IL1RL1: variants seen among roughly 807,000 people sequenced by gnomAD.
The protein encoded by IL1RL1 is interleukin-1 receptor-like 1.
A neutral mutation model predicts 50.9 loss-of-function variants in IL1RL1; 32 were observed. That is an observed-to-expected ratio of 0.63 (90% CI 0.47 to 0.84). The LOEUF (loss-of-function observed/expected upper bound fraction) is 0.84, where lower values mean the gene tolerates loss of function less well. Ranked by LOEUF, IL1RL1 falls within the 40% of genes least tolerant of loss-of-function variation. The probability of loss-of-function intolerance (pLI) is 0.00; values close to 1 mark genes in which losing one functional copy is unlikely to be tolerated. For missense variants in IL1RL1, 773 were observed against 662.9 expected, an observed-to-expected ratio of 1.17 and a Z score of -1.82; for synonymous variants, 275 against 236.0, an observed-to-expected ratio of 1.17 and a Z score of -1.51.
At chr2:102,316,280 T>C (rs1559593861) in intron 1 of IL1RL1, among the ~76,000 whole-genome samples, 1 of 152,226 alleles carries the variant, frequency 6.6e-6, no homozygotes, top group African/African-American at 2.4e-5. Flanking sequence ...TGAGCTGAGA[T>C]ATGCTAATTT....
At chr2:102,346,833 T>C (rs1412705014) in intron 8 of IL1RL1, among the ~76,000 whole-genome samples, 1 of 152,214 alleles carries the variant, frequency 6.6e-6, no homozygotes, top group East Asian at 1.9e-4. Flanking sequence ...TATGGGCCAG[T>C]GATTTTTCTA....
At chr2:102,344,672 G>A in intron 8 of IL1RL1, 2 of 693,190 alleles carry the variant, frequency 2.9e-6, no homozygotes, top group Non-Finnish European at 3.5e-6. Context: ...CTGGCAGCTA[G>A]CCAGTGCTCA....
chr2:102,349,286 T>C, intron 10 of IL1RL1, 40 bp downstream of exon 10: 2 of 1,569,498 alleles, frequency 1.3e-6, no homozygotes, highest in South Asian at 1.1e-5. Context: ...AAATTCATGC[T>C]TATTAAAGGC....
intron 10 of IL1RL1, among the ~76,000 whole-genome samples, chr2:102,349,792 C>T (rs1046685973): frequency 4.6e-5 from 7 of 152,184 alleles, no homozygotes; most frequent in South Asian, 2.1e-4. Context: ...TTTATCACAA[C>T]TCCTGTGTTT....
intron 1 of IL1RL1, among the ~76,000 whole-genome samples, chr2:102,329,429 G>A (rs1677110814): frequency 1.3e-5 from 2 of 152,152 alleles, no homozygotes; most frequent in South Asian, 2.1e-4. Flanking sequence ...ATAGGCATGG[G>A]CAAGGACTTC....
At chr2:102,317,671 G>C (rs1470019990) in intron 1 of IL1RL1, among the ~76,000 whole-genome samples, 1 of 152,004 alleles carries the variant, frequency 6.6e-6, no homozygotes, top group African/African-American at 2.4e-5. Flanking sequence ...AAAAAGATTT[G>C]ATTTCAGTAA....
chr2:102,347,874 C>A, intron 8 of IL1RL1, 71 bp from the exon 9 acceptor site: 1 of 893,294 alleles, frequency 1.1e-6, no homozygotes, highest in South Asian at 1.6e-5. Context: ...CAAGGGAAGC[C>A]AACATCCATG....
At chr2:102,315,709 C>T (rs930458239) in intron 1 of IL1RL1, among the ~76,000 whole-genome samples, 1 of 152,146 alleles carries the variant, frequency 6.6e-6, no homozygotes, top group African/African-American at 2.4e-5. Context: ...CTAGTCTGTG[C>T]CAGATCACGA....
At chr2:102,348,189 C>A in intron 9 of IL1RL1, 98 bp downstream of exon 9, 1 of 958,406 alleles carries the variant, frequency 1.0e-6, no homozygotes, top group Non-Finnish European at 1.6e-6. Context: ...GCTGCTAAGC[C>A]CAGATTCCAT....
intron 1 of IL1RL1, among the ~76,000 whole-genome samples, chr2:102,332,176 C>G (rs1284826849): frequency 6.6e-6 from 1 of 152,096 alleles, no homozygotes; most frequent in Non-Finnish European, 1.5e-5. Context: ...AATAATATTG[C>G]CTTCTGGAGG....
chr2:102,314,635 G>T (rs1286274467), intron 1 of IL1RL1, among the ~76,000 whole-genome samples: 1 of 152,182 alleles, frequency 6.6e-6, no homozygotes, highest in Non-Finnish European at 1.5e-5. Context: ...CCCATTCTAT[G>T]ATTGGAACAA....
At chr2:102,327,870 A>C (rs1573138554) in intron 1 of IL1RL1, among the ~76,000 whole-genome samples, 1 of 152,324 alleles carries the variant, frequency 6.6e-6, no homozygotes, top group East Asian at 1.9e-4. Flanking sequence ...TTAATAGCTT[A>C]CCAACCAAAA....
intron 1 of IL1RL1, among the ~76,000 whole-genome samples, chr2:102,327,649 G>A (rs144672241): frequency 0.019 from 2,873 of 152,078 alleles, 103 homozygotes; most frequent in African/African-American, 0.064. Flanking sequence ...TCAAATAGAC[G>A]CAATAAAAAA....
intron 1 of IL1RL1, among the ~76,000 whole-genome samples, chr2:102,322,260 C>T (rs940689261): frequency 3.9e-5 from 6 of 152,212 alleles, no homozygotes; most frequent in African/African-American, 1.4e-4. Context: ...CTCTTCAGGC[C>T]TTCTGCTGCT....
chr2:102,318,518 T>A (rs930574100), intron 1 of IL1RL1, among the ~76,000 whole-genome samples: 1 of 152,182 alleles, frequency 6.6e-6, no homozygotes, highest in African/African-American at 2.4e-5. Context: ...TATAGACAAG[T>A]GAAGGCATTG....
intron 1 of IL1RL1, among the ~76,000 whole-genome samples, chr2:102,326,604 A>G (rs1677006988): frequency 6.6e-6 from 1 of 152,140 alleles, no homozygotes; most frequent in Non-Finnish European, 1.5e-5. Flanking sequence ...TATTCAGGAA[A>G]CCCATCTCAC....
intron 1 of IL1RL1, among the ~76,000 whole-genome samples, chr2:102,334,766 A>G (rs1228630134): frequency 6.6e-6 from 1 of 152,198 alleles, no homozygotes; most frequent in Admixed American, 6.5e-5. Context: ...TACATTTTAC[A>G]TTTCAGTGTG....
At chr2:102,331,922 G>A (rs1333468777) in intron 1 of IL1RL1, among the ~76,000 whole-genome samples, 2 of 151,368 alleles carry the variant, frequency 1.3e-5, no homozygotes, top group Admixed American at 6.6e-5. Context: ...ACAAAAATTA[G>A]CTGGGCATGG....
intron 8 of IL1RL1, among the ~76,000 whole-genome samples, chr2:102,347,698 T>C (rs532794959): frequency 2.6e-5 from 4 of 152,264 alleles, no homozygotes; most frequent in African/African-American, 9.6e-5. Flanking sequence ...TTGCCTCCCA[T>C]CTTAGTTAAG....
Sources: allele counts gnomAD v4.1 joint callset (sites outside exome capture counted in the v4.1 genomes callset), GRCh38; gene constraint gnomAD v4.1.1; transcripts MANE v1.5; gene names NCBI Gene and HGNC (gene_info 2026-07-23, HGNC 2026-07-21).